Variants in AKT3 observed in about 807,000 individuals in gnomAD.
The protein encoded by AKT3 is RAC-gamma serine/threonine-protein kinase.
A neutral mutation model predicts 65.3 loss-of-function variants in AKT3; 15 were observed. That is an observed-to-expected ratio of 0.23 (90% confidence interval 0.15 to 0.35). The LOEUF is 0.35. AKT3 is among the 10% of genes least tolerant of loss of function. The probability of loss-of-function intolerance (pLI) is 1.00; values close to 1 mark genes in which losing one functional copy is unlikely to be tolerated. For synonymous variants in AKT3, 206 were observed against 183.8 expected (o/e 1.12, Z -0.98); for missense variants, 243 against 576.5 (o/e 0.42, Z 5.92).
intron 8 of AKT3, among the ~76,000 whole-genome samples, chr1:243,598,839 G>A (rs2148569634): frequency 1.3e-5 from 2 of 152,240 alleles, no homozygotes; most frequent in African/African-American, 4.8e-5. Context: ...TTTATAATAT[G>A]CATCTCCTTC....
chr1:243,775,514 G>A (rs955193503), intron 2 of AKT3, among the ~76,000 whole-genome samples: 15 of 152,136 alleles, frequency 9.9e-5, no homozygotes, highest in Admixed American at 7.9e-4. Context: ...CTCACCCACC[G>A]GCCATCTTAT....
intron 2 of AKT3, among the ~76,000 whole-genome samples, chr1:243,820,590 G>C (rs1166364219): frequency 6.6e-6 from 1 of 152,156 alleles, no homozygotes; most frequent in East Asian, 1.9e-4. Flanking sequence ...AGAATAACCA[G>C]TTTAGAGAGA....
At chr1:243,684,636 A>G (rs1684158121) in intron 3 of AKT3, among the ~76,000 whole-genome samples, 1 of 152,174 alleles carries the variant, frequency 6.6e-6, no homozygotes, top group South Asian at 2.1e-4. Context: ...ATGTGTCTTT[A>G]TAGCAAAATG....
At chr1:243,683,581 A>G (rs1572164532) in intron 3 of AKT3, among the ~76,000 whole-genome samples, 2 of 152,270 alleles carry the variant, frequency 1.3e-5, no homozygotes, top group East Asian at 3.9e-4. Context: ...AATTATATGT[A>G]GGGTATTCCC....
intron 3 of AKT3, among the ~76,000 whole-genome samples, chr1:243,681,734 G>C (rs1018369757): frequency 6.6e-6 from 1 of 152,146 alleles, no homozygotes; most frequent in Non-Finnish European, 1.5e-5. Flanking sequence ...AGGTGTTAGA[G>C]TTCAAATCAC....
chr1:243,847,084 G>C (rs1013280420), intron 1 of AKT3, among the ~76,000 whole-genome samples: 11 of 152,114 alleles, frequency 7.2e-5, no homozygotes, highest in Admixed American at 2.0e-4. Context: ...GGTATGCTGT[G>C]TGACCAGGAT....
At chr1:243,753,416 A>C (rs918442903) in intron 2 of AKT3, among the ~76,000 whole-genome samples, 3 of 152,142 alleles carry the variant, frequency 2.0e-5, no homozygotes, top group Non-Finnish European at 4.4e-5. Flanking sequence ...CTTTCCCCTA[A>C]ACATAGTTTC....
chr1:243,546,187 C>T (rs949422495), intron 11 of AKT3, among the ~76,000 whole-genome samples: 1 of 152,176 alleles, frequency 6.6e-6, no homozygotes, highest in Admixed American at 6.5e-5. Context: ...GTAAGATGTG[C>T]CTCTGCTCCT....
intron 12 of AKT3, among the ~76,000 whole-genome samples, chr1:243,540,470 T>G (rs1672232799): frequency 6.6e-6 from 1 of 152,154 alleles, no homozygotes; most frequent in African/African-American, 2.4e-5. Context: ...AACATCTATA[T>G]TATAACATCA....
At chr1:243,647,678 T>C (rs1282579793) in intron 4 of AKT3, among the ~76,000 whole-genome samples, 1 of 152,226 alleles carries the variant, frequency 6.6e-6, no homozygotes, top group Non-Finnish European at 1.5e-5. Flanking sequence ...TTTCTACACA[T>C]GCAACCATGT....
At chr1:243,781,924 G>A (rs1282865069) in intron 2 of AKT3, among the ~76,000 whole-genome samples, 1 of 152,154 alleles carries the variant, frequency 6.6e-6, no homozygotes, top group African/African-American at 2.4e-5. Context: ...CTGAGCCCAA[G>A]CAATCCTCCT....
intron 12 of AKT3, among the ~76,000 whole-genome samples, chr1:243,536,931 C>T (rs7533608): frequency 0.013 from 1,946 of 152,204 alleles, 35 homozygotes; most frequent in African/African-American, 0.044. Context: ...ATCTCTCTTC[C>T]GCTGGTGCAT....
At chr1:243,668,961 G>T (rs946860040) in intron 3 of AKT3, among the ~76,000 whole-genome samples, 2 of 151,994 alleles carry the variant, frequency 1.3e-5, no homozygotes. Flanking sequence ...TTTGAAATAT[G>T]AAAGTTAAAA....
chr1:243,546,728 T>C (rs1672701388), intron 11 of AKT3: 1 of 152,182 alleles, frequency 6.6e-6, no homozygotes. Context: ...TAAATTTTAC[T>C]GATATAAAGA....
intron 12 of AKT3, among the ~76,000 whole-genome samples, chr1:243,517,000 A>G (rs1432964120): frequency 6.6e-6 from 1 of 152,194 alleles, no homozygotes; most frequent in African/African-American, 2.4e-5. Flanking sequence ...AAATTTAAGT[A>G]TTGCTTTAGC....
chr1:243,502,782 G>C lies in AKT3; in HGVS notation c.*2467C>G, dbSNP rs1397599665. 38 of 233,212 alleles carry C rather than the reference G, an allele frequency of 1.6e-4. No homozygotes were observed. The Admixed American group carries it at 2.1e-3, about 13-fold the overall frequency. The allele number at this position is 233,212 out of a possible 1,614,324, so 14.4% of individuals were successfully genotyped here. A position where few individuals can be genotyped will look rare whatever the true frequency, so the allele number is the denominator to read the frequency against. ...AGCCCCAGGCATGGCTGGGAACTGA[G>C]AGCCAGTGTGAGGAGTGGCCCGCCT... On this transcript the variant is annotated 3_prime_UTR_variant, in exon 14 of 14. Transcript: ENST00000673466.
chr1:243,589,730 T>C (rs1467078186), intron 8 of AKT3, among the ~76,000 whole-genome samples: 2 of 152,162 alleles, frequency 1.3e-5, no homozygotes, highest in Non-Finnish European at 2.9e-5. Flanking sequence ...CAAATAGATA[T>C]CTGTACTCCC....
intron 2 of AKT3, among the ~76,000 whole-genome samples, chr1:243,776,376 T>C (rs1489360701): frequency 6.6e-6 from 1 of 152,162 alleles, no homozygotes; most frequent in Admixed American, 6.5e-5. Flanking sequence ...ATATTTGAAA[T>C]GAGGCCTTTG....
At chr1:243,785,798 G>C (rs1691224626) in intron 2 of AKT3, among the ~76,000 whole-genome samples, 1 of 152,150 alleles carries the variant, frequency 6.6e-6, no homozygotes, top group Non-Finnish European at 1.5e-5. Context: ...GCTAGCAACA[G>C]CTAAACTTTA....
Sources: allele counts gnomAD v4.1 joint callset (sites outside exome capture counted in the v4.1 genomes callset), GRCh38; gene constraint gnomAD v4.1.1; transcripts MANE v1.5; gene names NCBI Gene and HGNC (gene_info 2026-07-23, HGNC 2026-07-21).